The following REDIC1 variants were observed in gnomAD, a reference collection of about 807,000 sequenced individuals.
REDIC1 encodes the protein regulator of DNA class I crossover intermediates 1.
chr12:39,672,297 C>G, the REDIC1 span, among the ~76,000 whole-genome samples: 16 of 152,014 alleles, frequency 1.1e-4, no homozygotes, highest in African/African-American at 3.9e-4. Context: ...CTGTAGTGAA[C>G]AGGGCAGGCT....
At chr12:39,659,148 G>T in the REDIC1 span, among the ~76,000 whole-genome samples, 1 of 151,850 alleles carries the variant, frequency 6.6e-6, no homozygotes, top group Non-Finnish European at 1.5e-5. Flanking sequence ...TTTTGACTTG[G>T]TGTAGTTTCC....
the REDIC1 span, among the ~76,000 whole-genome samples, chr12:39,852,400 A>G: frequency 3.3e-5 from 5 of 152,238 alleles, no homozygotes; most frequent in Admixed American, 3.3e-4. Flanking sequence ...TAAAGTGCTT[A>G]CAAAATTCCT....
chr12:39,710,754 T>G, the REDIC1 span, among the ~76,000 whole-genome samples: 1 of 151,846 alleles, frequency 6.6e-6, no homozygotes, highest in East Asian at 1.9e-4. Flanking sequence ...CACATCTTAT[T>G]TTGTGACTTA....
At chr12:39,813,646 T>G in the REDIC1 span, among the ~76,000 whole-genome samples, 1 of 152,222 alleles carries the variant, frequency 6.6e-6, no homozygotes, top group African/African-American at 2.4e-5. Context: ...TCAGTTCATT[T>G]GAATCAAGAT....
At chr12:39,711,517 ATG>A in the REDIC1 span, among the ~76,000 whole-genome samples, 3 of 138,358 alleles carry the variant, frequency 2.2e-5, no homozygotes, top group East Asian at 4.3e-4. Context: ...ATGTGTATAT[ATG>A]TGTATATGTG....
the REDIC1 span, chr12:39,759,771 A>T: frequency 2.4e-6 from 1 of 417,994 alleles, no homozygotes; most frequent in Non-Finnish European, 4.3e-6. Flanking sequence ...AGACTATTTC[A>T]GGAAGGCATT....
chr12:39,832,350 G>C, the REDIC1 span, among the ~76,000 whole-genome samples: 2 of 152,044 alleles, frequency 1.3e-5, no homozygotes, highest in African/African-American at 4.8e-5. Flanking sequence ...ATTTGGGAAA[G>C]GTCAACTCAC....
At chr12:39,742,371 T>C in the REDIC1 span, among the ~76,000 whole-genome samples, 1 of 152,208 alleles carries the variant, frequency 6.6e-6, no homozygotes, top group African/African-American at 2.4e-5. Flanking sequence ...TATTAAGTGT[T>C]GATAAATGAA....
chr12:39,717,605 C>G, the REDIC1 span, among the ~76,000 whole-genome samples: 1 of 151,942 alleles, frequency 6.6e-6, no homozygotes, highest in Admixed American at 6.6e-5. Flanking sequence ...GGCAGGCACA[C>G]TTGGTGTAAC....
chr12:39,886,078 C>G, the REDIC1 span, among the ~76,000 whole-genome samples: 150,956 of 152,302 alleles, frequency 0.99, 74,831 homozygotes, highest in Middle Eastern at 1. Context: ...CTGAAATAAA[C>G]AGGTCAAGGT....
chr12:39,703,757 G>C, the REDIC1 span, among the ~76,000 whole-genome samples: 6 of 152,090 alleles, frequency 3.9e-5, no homozygotes, highest in Non-Finnish European at 5.9e-5. Flanking sequence ...ACAGAACAGA[G>C]CCCTCAGTAA....
chr12:39,762,775 A>AT, the REDIC1 span, among the ~76,000 whole-genome samples: 1 of 152,048 alleles, frequency 6.6e-6, no homozygotes, highest in African/African-American at 2.4e-5. Flanking sequence ...TGAATGAACT[A>AT]TTTTTCTACT....
chr12:39,793,346 G>A, the REDIC1 span, among the ~76,000 whole-genome samples: 2 of 152,062 alleles, frequency 1.3e-5, no homozygotes, highest in Admixed American at 1.3e-4. Context: ...CTAAATAAAT[G>A]CAGAGATGTA....
At chr12:39,792,390 T>G in the REDIC1 span, among the ~76,000 whole-genome samples, 1 of 151,942 alleles carries the variant, frequency 6.6e-6, no homozygotes, top group South Asian at 2.1e-4. Context: ...CTAATTAAAC[T>G]AAAGAGCTTC....
At chr12:39,821,997 A>C in the REDIC1 span, among the ~76,000 whole-genome samples, 3 of 151,992 alleles carry the variant, frequency 2.0e-5, no homozygotes, top group East Asian at 5.8e-4. Context: ...TATACATGTG[A>C]CATGCTGGTG....
the REDIC1 span, among the ~76,000 whole-genome samples, chr12:39,793,281 G>A: frequency 6.6e-6 from 1 of 152,154 alleles, no homozygotes; most frequent in South Asian, 2.1e-4. Context: ...TCTGACAAAA[G>A]ACGTGCAAAA....
chr12:39,764,866 A>G, the REDIC1 span: 1 of 1,610,208 alleles, frequency 6.2e-7, no homozygotes, highest in Non-Finnish European at 8.5e-7. Context: ...CACCTGAAAA[A>G]TAATGCAATA....
chr12:39,813,352 T>C, the REDIC1 span, among the ~76,000 whole-genome samples: 2 of 152,098 alleles, frequency 1.3e-5, no homozygotes, highest in Admixed American at 6.6e-5. Flanking sequence ...GAGAGTATAG[T>C]ATAATTAACC....
the REDIC1 span, among the ~76,000 whole-genome samples, chr12:39,634,425 A>C: frequency 6.6e-6 from 1 of 152,296 alleles, no homozygotes; most frequent in African/African-American, 2.4e-5. Context: ...TAGTACTGGT[A>C]CCAAAACAGA....
Sources: allele counts gnomAD v4.1 joint callset (sites outside exome capture counted in the v4.1 genomes callset), GRCh38; gene constraint gnomAD v4.1.1; transcripts MANE v1.5; gene names NCBI Gene and HGNC (gene_info 2026-07-23, HGNC 2026-07-21).